The following MINDY4 variants were observed in gnomAD, a reference collection of about 807,000 sequenced individuals.
The protein encoded by MINDY4 is MINDY lysine 48 deubiquitinase 4.
MINDY4 carries 68 observed loss-of-function variants against 87.0 expected under a neutral mutation model. That is an observed-to-expected ratio of 0.78 (90% CI 0.64 to 0.96). The LOEUF (loss-of-function observed/expected upper bound fraction) is 0.96. MINDY4 is among the 40% of genes least tolerant of loss of function. The pLI, the probability that MINDY4 is intolerant of heterozygous loss-of-function variation, is 0.00. For missense variants in MINDY4, 919 were observed against 928.2 expected (o/e 0.99, Z 0.13); for synonymous variants, 379 against 363.2 (o/e 1.04, Z -0.50).
At chr7:30,853,281 G>C in intron 11 of MINDY4, 113 bp from the exon 12 acceptor site, 2 of 810,274 alleles carry the variant, frequency 2.5e-6, no homozygotes, top group South Asian at 3.0e-5. Context: ...CTGACGCAGG[G>C]ACATTCCCAA....
At chr7:30,835,989 G>A (rs893286434) in intron 6 of MINDY4, among the ~76,000 whole-genome samples, 2 of 152,144 alleles carry the variant, frequency 1.3e-5, no homozygotes, top group Admixed American at 6.5e-5. Context: ...ACAGTGGGAT[G>A]GTAGAGTTAC....
chr7:30,853,562 C>T (rs1789483492), intron 12 of MINDY4, 103 bp downstream of exon 12: 2 of 1,037,848 alleles, frequency 1.9e-6, no homozygotes, highest in Non-Finnish European at 1.5e-6. Flanking sequence ...GTCGTCCCAC[C>T]CTGGGATGGC....
intron 5 of MINDY4, among the ~76,000 whole-genome samples, chr7:30,808,947 G>C (rs867702599): frequency 2.6e-5 from 3 of 116,126 alleles, no homozygotes; most frequent in East Asian, 2.1e-4. Flanking sequence ...GAGAGAGAGA[G>C]AGAGAGAGAG....
At chr7:30,817,223 G>C (rs1460740435) in intron 5 of MINDY4, among the ~76,000 whole-genome samples, 1 of 152,070 alleles carries the variant, frequency 6.6e-6, no homozygotes, top group Non-Finnish European at 1.5e-5. Flanking sequence ...TGACGTCTAA[G>C]TGCCATCCAG....
chr7:30,827,899 G>A (rs1182009618), intron 5 of MINDY4, among the ~76,000 whole-genome samples: 1 of 152,188 alleles, frequency 6.6e-6, no homozygotes, highest in Non-Finnish European at 1.5e-5. Context: ...ACACTCAAAA[G>A]AGCTGTCACT....
At chr7:30,808,790 C>T (rs1046473768) in intron 5 of MINDY4, among the ~76,000 whole-genome samples, 4 of 152,090 alleles carry the variant, frequency 2.6e-5, no homozygotes, top group Admixed American at 6.5e-5. Flanking sequence ...CACTTGGTTA[C>T]AGCTGGTTTT....
chr7:30,828,849 C>T (rs866832368), intron 6 of MINDY4, 112 bp downstream of exon 6: 14 of 928,968 alleles, frequency 1.5e-5, no homozygotes, highest in African/African-American at 3.3e-5. Context: ...CTGACCTCAG[C>T]GAGTGGGGCT....
intron 6 of MINDY4, among the ~76,000 whole-genome samples, chr7:30,833,956 C>G (rs949444136): frequency 6.6e-6 from 1 of 152,260 alleles, no homozygotes; most frequent in African/African-American, 2.4e-5. Flanking sequence ...AGCTCTGCCC[C>G]TGTGGCTTTG....
At chr7:30,781,550 AAGCT>A in intron 2 of MINDY4, 1 of 165,932 alleles carries the variant, frequency 6.0e-6, no homozygotes, top group Non-Finnish European at 1.3e-5. Context: ...CAGAGCTTAC[AAGCT>A]AAAAAAATAT....
chr7:30,783,185 C>CT (rs1787055239), intron 3 of MINDY4, among the ~76,000 whole-genome samples: 1 of 151,996 alleles, frequency 6.6e-6, no homozygotes, highest in African/African-American at 2.4e-5. Context: ...ATTTTCTTTT[C>CT]TTTTTTAGCT....
rs1386480339 is a variant in MINDY4 at position 30,782,958 on chromosome 7, A to AT, written c.419+749dup. ...TCAACTGATTGTAAATGTTAATCAC[A>AT]TTTACAAAATGCCTTCACAGCAACA... On this transcript the variant is annotated intron_variant, in intron 3 of 17. Coordinates refer to ENST00000265299, the MANE Select transcript of MINDY4 (RefSeq NM_032222.3). Among the ~76,000 whole-genome samples the AT allele has an allele frequency of 2.0e-5, 3 of 152,222 alleles. No individual in the cohort carries two copies. In the East Asian group the frequency reaches 5.8e-4, roughly 29 times the overall value.
At chr7:30,879,730 C>T (rs1790401195) in intron 15 of MINDY4, among the ~76,000 whole-genome samples, 1 of 152,212 alleles carries the variant, frequency 6.6e-6, no homozygotes, top group Non-Finnish European at 1.5e-5. Context: ...GGGGGTCCTT[C>T]TCATTGTCCC....
chr7:30,870,630 A>C (rs1218534249), intron 13 of MINDY4, among the ~76,000 whole-genome samples: 1 of 152,150 alleles, frequency 6.6e-6, no homozygotes, highest in South Asian at 2.1e-4. Context: ...TGTTTTCCCC[A>C]AGTATTGTGG....
intron 13 of MINDY4, among the ~76,000 whole-genome samples, chr7:30,867,015 GT>G (rs1789957973): frequency 1.3e-5 from 2 of 152,226 alleles, no homozygotes; most frequent in Admixed American, 1.3e-4. Flanking sequence ...GCACTCTGCA[GT>G]TTGCAAGACC....
intron 5 of MINDY4, 103 bp from the exon 6 acceptor site, chr7:30,828,576 G>A: frequency 1.7e-6 from 2 of 1,194,012 alleles, no homozygotes; most frequent in Middle Eastern, 1.9e-4. Context: ...AGACTAGAGA[G>A]ACTTGTCTCC....
intron 12 of MINDY4, among the ~76,000 whole-genome samples, chr7:30,857,101 A>G (rs1028682659): frequency 4.6e-5 from 7 of 152,228 alleles, no homozygotes; most frequent in African/African-American, 1.7e-4. Flanking sequence ...TTCCAAAAAA[A>G]GACTGGAAGT....
At chr7:30,885,713 C>CG (rs1169212566) in intron 17 of MINDY4, among the ~76,000 whole-genome samples, 2 of 150,836 alleles carry the variant, frequency 1.3e-5, no homozygotes, top group Non-Finnish European at 3.0e-5. Context: ...CCCACCCCCC[C>CG]CCCAACCCTG....
At chr7:30,874,106 G>A (rs528872952) in intron 14 of MINDY4, among the ~76,000 whole-genome samples, 4 of 152,358 alleles carry the variant, frequency 2.6e-5, no homozygotes, top group South Asian at 2.1e-4. Context: ...GTCAAGGGCC[G>A]TTCTGGCCAT....
chr7:30,853,557 C>G (rs1313720259), intron 12 of MINDY4, 98 bp downstream of exon 12: 1 of 1,107,280 alleles, frequency 9.0e-7, no homozygotes, highest in Non-Finnish European at 1.3e-6. Context: ...CTCCTGTCGT[C>G]CCACCCTGGG....
Sources: allele counts gnomAD v4.1 joint callset (sites outside exome capture counted in the v4.1 genomes callset), GRCh38; gene constraint gnomAD v4.1.1; transcripts MANE v1.5; gene names NCBI Gene and HGNC (gene_info 2026-07-23, HGNC 2026-07-21).